DYM: variants seen among roughly 807,000 people sequenced by gnomAD.
The protein encoded by DYM is dyggve-Melchior-Clausen syndrome protein.
DYM carries 78 observed loss-of-function variants against 93.1 expected under a neutral mutation model. The ratio of observed to expected loss-of-function variants is 0.84; its 90% CI spans 0.70 to 1.01. The LOEUF (loss-of-function observed/expected upper bound fraction) is 1.01. Ranked by LOEUF, DYM falls within the 50% of genes least tolerant of loss-of-function variation. DYM has a pLI of 0.00. For synonymous variants in DYM, 321 were observed against 319.7 expected, an observed-to-expected ratio of 1.00 and a Z score of -0.04; for missense variants, 789 against 845.0, an observed-to-expected ratio of 0.93 and a Z score of 0.82.
Position 49,044,114 on chromosome 18 carries a change from C to A in DYM, c.2116G>T (p.Ala706Ser), listed in dbSNP as rs2071151238. The change falls in exon 18 of 18, where the codon GCA (alanine) becomes TCA (serine). Residue 706 changes from alanine (A) to serine (S), a missense_variant. Physicochemically the swap from Ala to Ser is moderately conservative, Grantham distance 99. Around this residue, in one of 3 missense-constraint regions of DYM, gnomAD observed 114 missense variants for 105.8 expected, o/e 1.08. Coordinates refer to ENST00000675505, the MANE Select transcript of DYM (RefSeq NM_001353214.3). ...PYVWSLVYNS[A>S]VGLYWNPQDI... is the part of the protein sequence containing the mutation. The stretch of plus-strand genomic sequence containing the variant: ...TGTGGATTCCAGTACAGGCCGACTG[C>A]TGAGTTGTAGACAAGAGACCAGACA... The A allele has an allele frequency of 6.2e-7, 1 of 1,614,172 alleles. No homozygotes were observed. The highest frequency in any genetic ancestry group is 1.3e-5 in the African/African-American group (1 of 75,056).
At chr18:49,197,858 T>C (rs1370991231) in intron 14 of DYM, among the ~76,000 whole-genome samples, 1 of 152,188 alleles carries the variant, frequency 6.6e-6, no homozygotes, top group Admixed American at 6.5e-5. Flanking sequence ...AATGACCTTC[T>C]TCACAGAATT....
chr18:49,227,336 G>A (rs941186746), intron 13 of DYM, among the ~76,000 whole-genome samples: 1 of 152,146 alleles, frequency 6.6e-6, no homozygotes, highest in Non-Finnish European at 1.5e-5. Context: ...CAATTCTGCT[G>A]AGAGTGATTA....
chr18:49,386,263 G>A (rs1174174029), intron 3 of DYM, among the ~76,000 whole-genome samples: 1 of 151,892 alleles, frequency 6.6e-6, no homozygotes, highest in Non-Finnish European at 1.5e-5. Context: ...TCAAAGTGCT[G>A]AAAGAGAAAA....
intron 17 of DYM, among the ~76,000 whole-genome samples, chr18:49,071,416 ATT>A (rs1481991019): frequency 9.9e-5 from 15 of 152,240 alleles, no homozygotes; most frequent in Non-Finnish European, 1.9e-4. Context: ...CTGTGATACA[ATT>A]GAAACCACGG....
At chr18:49,103,347 T>C (rs1319774838) in intron 16 of DYM, among the ~76,000 whole-genome samples, 1 of 152,208 alleles carries the variant, frequency 6.6e-6, no homozygotes, top group African/African-American at 2.4e-5. Flanking sequence ...AAAAATTTTC[T>C]CCCATTCTGT....
intron 8 of DYM, among the ~76,000 whole-genome samples, chr18:49,326,992 CGTGTGTGT>C (rs10584298): frequency 0.21 from 19,642 of 93,340 alleles, 1,827 homozygotes; most frequent in East Asian, 0.35. Context: ...TTTAAAAAAC[CGTGTGTGT>C]GTGTGTGTGT....
chr18:49,067,690 T>A (rs2076580878), intron 17 of DYM, among the ~76,000 whole-genome samples: 1 of 152,148 alleles, frequency 6.6e-6, no homozygotes, highest in Non-Finnish European at 1.5e-5. Context: ...AGCAGAAGAA[T>A]CTGCCTCTCA....
At chr18:49,305,268 G>A (rs2061206611) in intron 8 of DYM, among the ~76,000 whole-genome samples, 1 of 152,064 alleles carries the variant, frequency 6.6e-6, no homozygotes, top group Non-Finnish European at 1.5e-5. Context: ...CCTACTCCAT[G>A]TCCCAGGGCA....
intron 6 of DYM, among the ~76,000 whole-genome samples, chr18:49,348,882 C>T (rs1264223004): frequency 1.5e-5 from 2 of 130,194 alleles, no homozygotes; most frequent in African/African-American, 2.8e-5. Flanking sequence ...GCACTCCAGC[C>T]GGGTAACAGA....
At chr18:49,399,940 T>C (rs951043681) in intron 2 of DYM, among the ~76,000 whole-genome samples, 9,445 of 120,634 alleles carry the variant, frequency 0.078, 318 homozygotes, top group East Asian at 0.25. Flanking sequence ...TTTTCTTTTT[T>C]TTTTTTTTTT....
At chr18:49,455,896 C>G (rs957930380) in intron 1 of DYM, among the ~76,000 whole-genome samples, 4 of 151,916 alleles carry the variant, frequency 2.6e-5, no homozygotes, top group Non-Finnish European at 5.9e-5. Context: ...TTGCAGTGAG[C>G]CGAGATCCCA....
intron 13 of DYM, among the ~76,000 whole-genome samples, chr18:49,239,644 C>T (rs1476089255): frequency 1.3e-5 from 2 of 152,200 alleles, no homozygotes; most frequent in African/African-American, 4.8e-5. Context: ...AGCAAGGTCA[C>T]AAGAAGAAGA....
chr18:49,292,312 ACAGGCAGG>A lies in DYM; in HGVS notation c.764-5704_764-5697del, dbSNP rs60150235. On this transcript the variant is annotated intron_variant, in intron 8 of 17. Coordinates refer to ENST00000675505, the MANE Select transcript of DYM (RefSeq NM_001353214.3). Reference sequence around the variant, plus strand: ...TCCACCAACACAGACAGACAGACAGACAGGCAGGCAGGCAGGCAGGCAGGCAGACAGAC... The same window carrying A: ...TCCACCAACACAGACAGACAGACAGACAGGCAGGCAGGCAGGCAGACAGAC... 8.4e-4 allele frequency among the ~76,000 whole-genome samples: 93 copies of A among 110,986 alleles called. 1 individual carries two copies. Among genetic ancestry groups the A allele is most frequent in the Middle Eastern group, 4.3e-3 (1 of 232 alleles). The allele number at this position is 110,986 out of a possible 152,430, so 72.8% of individuals were successfully genotyped here. A position where few individuals can be genotyped will look rare whatever the true frequency, so the allele number is the denominator to read the frequency against.
intron 16 of DYM, among the ~76,000 whole-genome samples, chr18:49,108,382 G>A (rs1372805557): frequency 2.6e-5 from 4 of 152,184 alleles, no homozygotes; most frequent in Admixed American, 6.5e-5. Context: ...GCCCTGCTTC[G>A]GCTCACGCGC....
At chr18:49,166,251 C>T (rs1180946177) in intron 14 of DYM, among the ~76,000 whole-genome samples, 1 of 152,060 alleles carries the variant, frequency 6.6e-6, no homozygotes, top group Non-Finnish European at 1.5e-5. Flanking sequence ...CTTTGTTATT[C>T]CATGAAATAT....
At chr18:49,396,356 T>C (rs1011533556) in intron 2 of DYM, among the ~76,000 whole-genome samples, 1 of 152,146 alleles carries the variant, frequency 6.6e-6, no homozygotes, top group Non-Finnish European at 1.5e-5. Flanking sequence ...ACATTGAGCA[T>C]CCCTTACCCA....
At chr18:49,083,741 T>C (rs1163294726) in intron 17 of DYM, among the ~76,000 whole-genome samples, 1 of 152,230 alleles carries the variant, frequency 6.6e-6, no homozygotes, top group African/African-American at 2.4e-5. Context: ...TGTATATTTC[T>C]AAGAATTGCT....
At chr18:49,263,735 GA>G (rs200707522) in intron 11 of DYM, among the ~76,000 whole-genome samples, 251 of 149,634 alleles carry the variant, frequency 1.7e-3, no homozygotes, top group African/African-American at 5.7e-3. Context: ...TCTCAAAAAA[GA>G]AAAAAAAAGT....
intron 15 of DYM, among the ~76,000 whole-genome samples, chr18:49,146,718 A>G (rs1413708529): frequency 6.6e-6 from 1 of 152,254 alleles, no homozygotes; most frequent in Non-Finnish European, 1.5e-5. Context: ...ATGGAAGAAC[A>G]TTCTATGATC....
Sources: gnomAD v4.1 joint callset for allele counts (sites outside exome capture counted in the v4.1 genomes callset) on GRCh38, gnomAD v4.1.1 for gene constraint, gnomAD v4.1.1 regional missense constraint, MANE v1.5 for transcripts, NCBI Gene and HGNC (gene_info 2026-07-23, HGNC 2026-07-21) for gene names.